The following TENT5C variants were observed in gnomAD, a reference collection of about 807,000 sequenced individuals.
The protein encoded by TENT5C is family with sequence similarity 46 member C.
In TENT5C, 5 loss-of-function variants were observed where a neutral mutation model predicts 22.2. That is an observed-to-expected ratio of 0.22 (90% CI 0.12 to 0.47). The LOEUF is 0.47. Ranked by LOEUF, TENT5C falls within the 20% of genes least tolerant of loss-of-function variation. The pLI, the probability that TENT5C is intolerant of heterozygous loss-of-function variation, is 0.99. For missense variants in TENT5C, 364 were observed against 500.9 expected, an observed-to-expected ratio of 0.73 and a Z score of 2.61; for synonymous variants, 199 against 195.4, an observed-to-expected ratio of 1.02 and a Z score of -0.15.
At chr1:117,618,071 A>C (rs1250056498) in intron 1 of TENT5C, among the ~76,000 whole-genome samples, 1 of 152,178 alleles carries the variant, frequency 6.6e-6, no homozygotes, top group Non-Finnish European at 1.5e-5. Context: ...GAAAGTGAAA[A>C]ACTACGCCAT....
intron 1 of TENT5C, among the ~76,000 whole-genome samples, chr1:117,618,241 C>T (rs1337622653): frequency 6.6e-6 from 1 of 152,062 alleles, no homozygotes; most frequent in Non-Finnish European, 1.5e-5. Flanking sequence ...AAAGTTTTTG[C>T]AGCTGTAGCC....
chr1:117,621,572 GT>G (rs1454630545), intron 1 of TENT5C, among the ~76,000 whole-genome samples: 3 of 152,146 alleles, frequency 2.0e-5, no homozygotes, highest in Non-Finnish European at 4.4e-5. Context: ...AGAAATCCAT[GT>G]TGGAACCCCA....
intron 1 of TENT5C, 146 bp downstream of exon 1, chr1:117,606,299 G>C (rs1323179791): frequency 2.0e-5 from 3 of 152,186 alleles, no homozygotes; most frequent in Non-Finnish European, 2.9e-5. Context: ...GACCCGAGGG[G>C]AGCTGCGGAC....
intron 1 of TENT5C, among the ~76,000 whole-genome samples, chr1:117,611,296 C>T (rs1653666785): frequency 6.6e-6 from 1 of 152,196 alleles, no homozygotes; most frequent in Non-Finnish European, 1.5e-5. Context: ...GAGGCTTGCT[C>T]ACAGCTGCTC....
intron 1 of TENT5C, among the ~76,000 whole-genome samples, chr1:117,620,001 T>G (rs1653860198): frequency 6.6e-6 from 1 of 152,182 alleles, no homozygotes; most frequent in Non-Finnish European, 1.5e-5. Flanking sequence ...CATATGAACC[T>G]TACAAATTCT....
In TENT5C at chr1:117,622,941, C is replaced by G; in HGVS notation, c.73C>G (p.Leu25Val). The G allele has an allele frequency of 6.2e-7, 1 of 1,614,224 alleles. No homozygotes were observed. Among genetic ancestry groups the G allele is most frequent in the East Asian group, 2.2e-5 (1 of 44,884 alleles). The change falls in exon 2 of 2, where the codon CTG becomes GTG. Residue 25 changes from leucine (L) to valine (V), a missense_variant. By Grantham distance (32) the Leu-to-Val change is conservative. Coordinates refer to ENST00000369448, the MANE Select transcript of TENT5C (RefSeq NM_017709.4). ...SVLNWDQVSR[L>V]HEVLTEVVPI... ...GCTCAACTGGGATCAGGTTAGCCGG[C>G]TGCATGAGGTCCTCACTGAAGTTGT...
chr1:117,627,512 A>G lies in TENT5C; in HGVS notation c.*3468A>G. 4.0e-6 allele frequency: 1 copy of G among 248,104 alleles called. No homozygotes were observed. The highest frequency in any genetic ancestry group is 8.5e-6 in the Non-Finnish European group (1 of 118,106). 15.4% of individuals were successfully genotyped at this position (248,104 alleles called of 1,614,324 possible). A position where few individuals can be genotyped will look rare whatever the true frequency, so the allele number is the denominator to read the frequency against. ...TCTTAGCTCAAATGTCCTCTTTTTG[A>G]GAGCAAAGTAGTTATCCAATGGTGA... On this transcript the variant is annotated 3_prime_UTR_variant, in exon 2 of 2. Coordinates refer to ENST00000369448, the MANE Select transcript of TENT5C (RefSeq NM_017709.4).
chr1:117,614,105 G>C (rs987225423), intron 1 of TENT5C, among the ~76,000 whole-genome samples: 2 of 152,192 alleles, frequency 1.3e-5, no homozygotes, highest in African/African-American at 4.8e-5. Context: ...GTTTGGGGCT[G>C]TGGAGGAGTC....
intron 1 of TENT5C, among the ~76,000 whole-genome samples, chr1:117,608,839 T>C (rs1425738508): frequency 3.3e-5 from 5 of 151,896 alleles, no homozygotes; most frequent in Non-Finnish European, 5.9e-5. Context: ...GCTAAACTTA[T>C]GTTTTGGGGT....
chr1:117,614,235 A>G (rs1310378507), intron 1 of TENT5C, among the ~76,000 whole-genome samples: 1 of 152,160 alleles, frequency 6.6e-6, no homozygotes, highest in Admixed American at 6.5e-5. Context: ...TTCATCCCCC[A>G]AGGAATTCAA....
chr1:117,611,247 G>A (rs1653665265), intron 1 of TENT5C, among the ~76,000 whole-genome samples: 1 of 152,240 alleles, frequency 6.6e-6, no homozygotes, highest in Non-Finnish European at 1.5e-5. Flanking sequence ...CAGAAGCAGA[G>A]ATGACGCGTA....
At chr1:117,614,987 C>T (rs1441036963) in intron 1 of TENT5C, among the ~76,000 whole-genome samples, 2 of 152,160 alleles carry the variant, frequency 1.3e-5, no homozygotes, top group African/African-American at 4.8e-5. Context: ...TCCTTTAAAA[C>T]AAACAGTAGC....
intron 1 of TENT5C, among the ~76,000 whole-genome samples, chr1:117,609,845 C>T (rs576256460): frequency 6.6e-6 from 1 of 152,082 alleles, no homozygotes; most frequent in Non-Finnish European, 1.5e-5. Context: ...GGGAGGCGTA[C>T]TTGAAGTGGG....
intron 1 of TENT5C, among the ~76,000 whole-genome samples, chr1:117,616,612 C>T (rs190942764): frequency 1.2e-4 from 18 of 152,260 alleles, no homozygotes; most frequent in Non-Finnish European, 2.5e-4. Flanking sequence ...CCAGGCTTGG[C>T]GCATTGCCCA....
intron 1 of TENT5C, among the ~76,000 whole-genome samples, chr1:117,614,138 A>G (rs940136480): frequency 6.6e-6 from 1 of 152,038 alleles, no homozygotes; most frequent in Non-Finnish European, 1.5e-5. Flanking sequence ...CCCCCTCCCT[A>G]TGTGGGGGGT....
At chr1:117,611,877 T>C (rs1326487332) in intron 1 of TENT5C, among the ~76,000 whole-genome samples, 1 of 152,204 alleles carries the variant, frequency 6.6e-6, no homozygotes, top group Non-Finnish European at 1.5e-5. Context: ...TTAATAAGTG[T>C]ATTTAATCTA....
rs910600960 is a variant in TENT5C, at chr1:117,624,440, G to T, written c.*396G>T. ...TCTCACTTGAGCCCGGGTAGGCTGT[G>T]TTGGCCCTCACTTGGGATTCTCAGC... On this transcript the variant is annotated 3_prime_UTR_variant, in exon 2 of 2. Coordinates refer to ENST00000369448, the MANE Select transcript of TENT5C (RefSeq NM_017709.4). 29 of 264,272 alleles carry T rather than the reference G, an allele frequency of 1.1e-4. No homozygotes were observed. The highest frequency in any genetic ancestry group is 6.3e-4 in the African/African-American group (29 of 45,978). 16.4% of individuals were successfully genotyped at this position (264,272 alleles called of 1,614,324 possible).
At chr1:117,618,222 G>A (rs1653826730) in intron 1 of TENT5C, among the ~76,000 whole-genome samples, 1 of 152,086 alleles carries the variant, frequency 6.6e-6, no homozygotes, top group Non-Finnish European at 1.5e-5. Flanking sequence ...TCTGAAAAAA[G>A]TGTTTGTTAA....
chr1:117,620,947 T>C (rs1445306806), intron 1 of TENT5C, among the ~76,000 whole-genome samples: 1 of 152,188 alleles, frequency 6.6e-6, no homozygotes, highest in Non-Finnish European at 1.5e-5. Flanking sequence ...ACAAATGTAC[T>C]GTGTGCTAAT....
Sources: allele counts gnomAD v4.1 joint callset (sites outside exome capture counted in the v4.1 genomes callset), GRCh38; gene constraint gnomAD v4.1.1; transcripts MANE v1.5; gene names NCBI Gene and HGNC (gene_info 2026-07-23, HGNC 2026-07-21).